The following GUCA1C variants were observed in gnomAD, a reference collection of about 807,000 sequenced individuals.
The protein encoded by GUCA1C is guanylate cyclase activator 1C, also known as guanylyl cyclase-activating protein 3.
In GUCA1C, 15 loss-of-function variants were observed where a neutral mutation model predicts 16.2. The ratio of observed to expected loss-of-function variants is 0.93; its 90% CI spans 0.62 to 1.43. The LOEUF (loss-of-function observed/expected upper bound fraction) is 1.43, where lower values mean the gene tolerates loss of function less well. Among genes scored for constraint, GUCA1C ranks in the 40% most tolerant of loss-of-function variants. The pLI is 0.00. For synonymous variants in GUCA1C, 78 were observed against 85.4 expected (o/e 0.91, Z 0.48); for missense variants, 275 against 244.8 (o/e 1.12, Z -0.82).
chr3:108,929,265 T>G (rs1425341786), intron 1 of GUCA1C, among the ~76,000 whole-genome samples: 2 of 152,204 alleles, frequency 1.3e-5, no homozygotes, highest in Non-Finnish European at 2.9e-5. Context: ...TGATGACTTT[T>G]GTATAGAAAA....
chr3:108,931,945 G>A (rs1946671473), intron 1 of GUCA1C, among the ~76,000 whole-genome samples: 1 of 140,090 alleles, frequency 7.1e-6, no homozygotes, highest in South Asian at 2.3e-4. Context: ...CTGGCCTCCC[G>A]AGTTCATGCC....
chr3:108,913,894 C>T (rs985624212), intron 3 of GUCA1C, among the ~76,000 whole-genome samples: 11 of 151,760 alleles, frequency 7.2e-5, no homozygotes, highest in Non-Finnish European at 1.3e-4. Context: ...GGTGAAACCC[C>T]GTCTCTACTA....
intron 1 of GUCA1C, among the ~76,000 whole-genome samples, chr3:108,922,954 C>G (rs1333013368): frequency 6.6e-6 from 1 of 152,098 alleles, no homozygotes; most frequent in Non-Finnish European, 1.5e-5. Flanking sequence ...TGGTTTCCAG[C>G]TTCATCCATG....
chr3:108,939,240 G>A (rs72935312), intron 1 of GUCA1C, among the ~76,000 whole-genome samples: 4,555 of 150,802 alleles, frequency 0.03, 257 homozygotes, highest in African/African-American at 0.1. Context: ...GAATAGAAGA[G>A]GTGAGTTGAG....
chr3:108,939,705 C>T (rs538634226), intron 1 of GUCA1C, among the ~76,000 whole-genome samples: 1 of 152,016 alleles, frequency 6.6e-6, no homozygotes, highest in South Asian at 2.1e-4. Context: ...GTTTTGGACT[C>T]AGAATCCCCT....
intron 2 of GUCA1C, among the ~76,000 whole-genome samples, chr3:108,916,585 T>C (rs759072689): frequency 4.6e-5 from 7 of 152,216 alleles, no homozygotes; most frequent in Non-Finnish European, 1.0e-4. Flanking sequence ...TTGGGTCTTA[T>C]GGATGAAAGT....
intron 1 of GUCA1C, among the ~76,000 whole-genome samples, chr3:108,925,097 C>T (rs944485560): frequency 1.0e-5 from 1 of 97,912 alleles, no homozygotes; most frequent in Non-Finnish European, 2.2e-5. Flanking sequence ...GTTTCATATA[C>T]CTTTTGTATT....
intron 3 of GUCA1C, among the ~76,000 whole-genome samples, chr3:108,911,275 A>G (rs181846724): frequency 1.2e-3 from 183 of 152,276 alleles, no homozygotes; most frequent in Admixed American, 2.2e-3. Context: ...TAACAAAACA[A>G]AACATTCTCC....
intron 1 of GUCA1C, among the ~76,000 whole-genome samples, chr3:108,944,570 C>T (rs534302544): frequency 1.3e-5 from 2 of 152,322 alleles, no homozygotes; most frequent in South Asian, 2.1e-4. Context: ...CCCGCCACCA[C>T]TGGGCCATGC....
chr3:108,915,960 T>C, intron 3 of GUCA1C, 167 bp downstream of exon 3: 1 of 669,066 alleles, frequency 1.5e-6, no homozygotes, highest in Non-Finnish European at 2.4e-6. Flanking sequence ...CAATAAATAT[T>C]TACTCAATTG....
chr3:108,922,013 A>G (rs140108879), intron 1 of GUCA1C, among the ~76,000 whole-genome samples: 2,685 of 152,252 alleles, frequency 0.018, 52 homozygotes, highest in Middle Eastern at 0.027. Flanking sequence ...TATGAGTGAG[A>G]ACAGACATTG....
chr3:108,947,456 A>T (rs1946853785), intron 1 of GUCA1C, among the ~76,000 whole-genome samples: 1 of 152,208 alleles, frequency 6.6e-6, no homozygotes, highest in Non-Finnish European at 1.5e-5. Flanking sequence ...TTCAAGGGTC[A>T]ACTGTGTATC....
chr3:108,933,681 T>C (rs989527393), intron 1 of GUCA1C, among the ~76,000 whole-genome samples: 1 of 152,080 alleles, frequency 6.6e-6, no homozygotes, highest in African/African-American at 2.4e-5. Context: ...TAAAAAACAG[T>C]AGAGGCTGGT....
chr3:108,949,475 C>T (rs375806268), intron 1 of GUCA1C, among the ~76,000 whole-genome samples: 6 of 152,284 alleles, frequency 3.9e-5, no homozygotes, highest in Non-Finnish European at 5.9e-5. Flanking sequence ...AGGAATAACC[C>T]GGCCTTAGTA....
chr3:108,922,194 CACACACACAT>C (rs1306766313), intron 1 of GUCA1C, among the ~76,000 whole-genome samples: 108 of 46,080 alleles, frequency 2.3e-3, no homozygotes, highest in African/African-American at 4.9e-3. Context: ...CACACACACA[CACACACACAT>C]ATATATATGG....
At chr3:108,914,354 C>A (rs529048400) in intron 3 of GUCA1C, among the ~76,000 whole-genome samples, 14 of 152,156 alleles carry the variant, frequency 9.2e-5, no homozygotes, top group Non-Finnish European at 1.6e-4. Context: ...CCTTGGGGAA[C>A]CTTCTTGGAT....
At chr3:108,918,031 C>T (rs1277798088) in intron 2 of GUCA1C, among the ~76,000 whole-genome samples, 4 of 152,086 alleles carry the variant, frequency 2.6e-5, no homozygotes, top group Middle Eastern at 6.8e-3. Context: ...GGTGACAGAG[C>T]GAGACTCCGT....
intron 1 of GUCA1C, among the ~76,000 whole-genome samples, chr3:108,941,792 C>CTCTGAGA (rs1476094362): frequency 6.6e-6 from 1 of 152,236 alleles, no homozygotes; most frequent in East Asian, 1.9e-4. Flanking sequence ...TGACTTTCTG[C>CTCTGAGA]TCTGAGACTC....
intron 1 of GUCA1C, among the ~76,000 whole-genome samples, chr3:108,946,303 T>C (rs1052558762): frequency 3.3e-5 from 5 of 151,334 alleles, no homozygotes; most frequent in African/African-American, 1.2e-4. Flanking sequence ...ACTTTTTTTG[T>C]GCGTTTTTTT....
Sources: allele counts gnomAD v4.1 joint callset (sites outside exome capture counted in the v4.1 genomes callset), GRCh38; gene constraint gnomAD v4.1.1; transcripts MANE v1.5; gene names NCBI Gene and HGNC (gene_info 2026-07-23, HGNC 2026-07-21).